NOL4: variants seen among roughly 807,000 people sequenced by gnomAD.
NOL4 encodes nucleolar protein 4, also known as cancer/testis antigen 125.
Under a neutral mutation model 75.9 loss-of-function variants are expected in NOL4, and 17 were observed. That is an observed-to-expected ratio of 0.22 (90% CI 0.15 to 0.34). NOL4 has a LOEUF of 0.34. Among genes scored for constraint, NOL4 ranks in the 10% least tolerant of loss-of-function variants. NOL4 has a pLI of 1.00. For synonymous variants in NOL4, 292 were observed against 289.9 expected (o/e 1.01, Z -0.07); for missense variants, 614 against 793.5 (o/e 0.77, Z 2.72).
chr18:34,063,349 A>G (rs563201809), intron 5 of NOL4, among the ~76,000 whole-genome samples: 6 of 152,222 alleles, frequency 3.9e-5, no homozygotes, highest in African/African-American at 1.4e-4. Flanking sequence ...TCCAAAATAA[A>G]TTAAGTGGAA....
intron 9 of NOL4, among the ~76,000 whole-genome samples, chr18:33,937,585 A>G (rs2068143439): frequency 6.6e-6 from 1 of 152,086 alleles, no homozygotes. Flanking sequence ...AAGAATGCAC[A>G]CAGGAAGAGT....
intron 5 of NOL4, among the ~76,000 whole-genome samples, chr18:34,063,270 C>A (rs906806695): frequency 3.3e-5 from 5 of 152,026 alleles, no homozygotes; most frequent in African/African-American, 1.2e-4. Flanking sequence ...CAATGTAGAA[C>A]CACTGAGCCA....
At chr18:34,011,240 A>G (rs1042605193) in intron 6 of NOL4, among the ~76,000 whole-genome samples, 3 of 151,706 alleles carry the variant, frequency 2.0e-5, no homozygotes, top group African/African-American at 7.2e-5. Flanking sequence ...ATAATAATTA[A>G]AAGTTTTAAA....
intron 5 of NOL4, among the ~76,000 whole-genome samples, chr18:34,061,000 T>A (rs921542996): frequency 6.6e-6 from 1 of 152,208 alleles, no homozygotes; most frequent in African/African-American, 2.4e-5. Flanking sequence ...ACATTCAGCA[T>A]TTTTTCTTCA....
chr18:34,156,472 T>TAAC (rs1471194122), intron 1 of NOL4, among the ~76,000 whole-genome samples: 1 of 152,142 alleles, frequency 6.6e-6, no homozygotes, highest in African/African-American at 2.4e-5. Context: ...AGGTAACATG[T>TAAC]AACTATCATT....
At chr18:33,992,155 A>G (rs111255738) in intron 6 of NOL4, among the ~76,000 whole-genome samples, 313 of 152,126 alleles carry the variant, frequency 2.1e-3, no homozygotes, top group African/African-American at 7.1e-3. Flanking sequence ...TGGCATTTGC[A>G]TAACTAAGTT....
At chr18:34,160,250 T>A (rs1387458337) in intron 1 of NOL4, among the ~76,000 whole-genome samples, 1 of 152,040 alleles carries the variant, frequency 6.6e-6, no homozygotes, top group South Asian at 2.1e-4. Flanking sequence ...AAAATGAAAA[T>A]TTTTGAGGGC....
rs150701967 is a variant in NOL4 at position 34,103,882 on chromosome 18, T to C, written c.639+165A>G. ...TAAGCAGGGGCTCTGTATTGTGGAC[T>C]AGGAGTTTCTGCTCACTTTTCCCAT... On this transcript the variant is annotated intron_variant, in intron 4 of 10. Transcript: ENST00000261592. Among the ~76,000 whole-genome samples the C allele has an allele frequency of 9.2e-5, 14 of 152,148 alleles. No individual in the cohort carries two copies. In the East Asian group the frequency reaches 2.5e-3, roughly 27 times the overall value.
intron 6 of NOL4, among the ~76,000 whole-genome samples, chr18:33,961,519 G>A (rs2070126553): frequency 6.6e-6 from 1 of 152,098 alleles, no homozygotes; most frequent in African/African-American, 2.4e-5. Flanking sequence ...TCAGCTTGCA[G>A]ATAGCAGATC....
intron 6 of NOL4, among the ~76,000 whole-genome samples, chr18:34,012,568 T>C (rs1253360491): frequency 2.0e-5 from 3 of 151,876 alleles, no homozygotes; most frequent in Non-Finnish European, 4.4e-5. Flanking sequence ...CTGTTTTAAA[T>C]TGGTATTTAA....
At chr18:34,173,502 T>C (rs189102847) in intron 1 of NOL4, among the ~76,000 whole-genome samples, 1 of 152,272 alleles carries the variant, frequency 6.6e-6, no homozygotes, top group African/African-American at 2.4e-5. Context: ...GATCGTCATG[T>C]TGTATACCTT....
intron 1 of NOL4, among the ~76,000 whole-genome samples, chr18:34,179,116 G>A (rs1266031271): frequency 1.3e-5 from 2 of 151,386 alleles, no homozygotes; most frequent in African/African-American, 2.4e-5. Flanking sequence ...AGTCATAAAG[G>A]TAATTAGAAA....
At chr18:34,142,885 C>T (rs1437998515) in intron 1 of NOL4, among the ~76,000 whole-genome samples, 1 of 151,954 alleles carries the variant, frequency 6.6e-6, no homozygotes, top group Non-Finnish European at 1.5e-5. Context: ...TCTATGAATT[C>T]CACATCCACA....
intron 8 of NOL4, among the ~76,000 whole-genome samples, chr18:33,944,517 G>T (rs2068711537): frequency 6.6e-6 from 1 of 151,786 alleles, no homozygotes; most frequent in African/African-American, 2.4e-5. Flanking sequence ...CTCCAAAGTA[G>T]CCTCTGGAGG....
intron 6 of NOL4, among the ~76,000 whole-genome samples, chr18:34,003,371 T>C (rs1264815354): frequency 6.6e-6 from 1 of 152,090 alleles, no homozygotes; most frequent in Non-Finnish European, 1.5e-5. Flanking sequence ...GCTGGCATGA[T>C]ATGTGGCATA....
chr18:33,868,020 T>A (rs1372139441), intron 10 of NOL4, among the ~76,000 whole-genome samples: 1 of 151,870 alleles, frequency 6.6e-6, no homozygotes, highest in Non-Finnish European at 1.5e-5. Flanking sequence ...CAATATGCTT[T>A]ACTCGGTCTA....
intron 10 of NOL4, among the ~76,000 whole-genome samples, chr18:33,882,279 T>C (rs1568000696): frequency 6.6e-6 from 1 of 151,920 alleles, no homozygotes. Context: ...GCCTACAAAA[T>C]GGGAGAAAAT....
chr18:33,946,822 A>G lies in NOL4; in HGVS notation c.1429-3644T>C, dbSNP rs555424418. ...AAGTTATGCCACAAATTCTTAACTG[A>G]TGTAATCTGAATTCATAAGATTTTA... On this transcript the variant is annotated intron_variant, in intron 8 of 10. Transcript: ENST00000261592. Among the ~76,000 whole-genome samples, 4 of 151,884 alleles carry G rather than the reference A, an allele frequency of 2.6e-5. No individual in the cohort carries two copies. In the South Asian group the frequency reaches 8.3e-4, roughly 31 times the overall value.
At chr18:34,122,708 C>A (rs2080200353) in intron 2 of NOL4, among the ~76,000 whole-genome samples, 1 of 152,152 alleles carries the variant, frequency 6.6e-6, no homozygotes, top group South Asian at 2.1e-4. Flanking sequence ...CAATCTCATG[C>A]CAGTCTCCCA....
Sources: allele counts gnomAD v4.1 joint callset (sites outside exome capture counted in the v4.1 genomes callset), GRCh38; gene constraint gnomAD v4.1.1; transcripts MANE v1.5; gene names NCBI Gene and HGNC (gene_info 2026-07-23, HGNC 2026-07-21).